SHISA9: variants seen among roughly 807,000 people sequenced by gnomAD.
SHISA9 encodes the protein shisa family member 9.
A neutral mutation model predicts 38.0 loss-of-function variants in SHISA9; 13 were observed. That is an observed-to-expected ratio of 0.34 (90% CI 0.22 to 0.54). The LOEUF (loss-of-function observed/expected upper bound fraction) is 0.54, where lower values mean the gene tolerates loss of function less well. Among genes scored for constraint, SHISA9 ranks in the 20% least tolerant of loss-of-function variants. The pLI is 0.91. For missense variants in SHISA9, 538 were observed against 575.8 expected (o/e 0.93, Z 0.67); for synonymous variants, 275 against 242.0 (o/e 1.14, Z -1.27).
the SHISA9 span, among the ~76,000 whole-genome samples, chr16:13,469,720 T>C: frequency 6.6e-6 from 1 of 152,190 alleles, no homozygotes; most frequent in East Asian, 1.9e-4. Flanking sequence ...CAGGGTAAGA[T>C]TAATTATGCT....
chr16:13,171,523 G>A (rs1259825944), intron 2 of SHISA9, among the ~76,000 whole-genome samples: 2 of 152,086 alleles, frequency 1.3e-5, no homozygotes, highest in East Asian at 1.9e-4. Flanking sequence ...GCCCTTTCTT[G>A]AAGCTGACAT....
chr16:13,129,765 T>C (rs76901011), intron 2 of SHISA9, among the ~76,000 whole-genome samples: 3,356 of 152,258 alleles, frequency 0.022, 124 homozygotes, highest in African/African-American at 0.076. Context: ...AGGGGAAGTC[T>C]GACCTCTAGA....
the SHISA9 span, among the ~76,000 whole-genome samples, chr16:13,473,537 C>T: frequency 6.6e-6 from 1 of 151,746 alleles, no homozygotes; most frequent in Non-Finnish European, 1.5e-5. Flanking sequence ...TTGATTTTTC[C>T]TTTTTCTGAC....
chr16:13,268,237 C>G, the SHISA9 span, among the ~76,000 whole-genome samples: 1 of 152,172 alleles, frequency 6.6e-6, no homozygotes, highest in African/African-American at 2.4e-5. Flanking sequence ...AAAAAATTTT[C>G]TCTAGCTCTT....
At chr16:13,198,526 C>T (rs1350997273) in intron 2 of SHISA9, among the ~76,000 whole-genome samples, 3 of 152,184 alleles carry the variant, frequency 2.0e-5, no homozygotes, top group African/African-American at 7.2e-5. Context: ...TTTTTTCACT[C>T]ACCCTATTGT....
chr16:13,301,469 C>T, the SHISA9 span, among the ~76,000 whole-genome samples: 2 of 152,156 alleles, frequency 1.3e-5, no homozygotes, highest in Non-Finnish European at 2.9e-5. Flanking sequence ...TACTGTCACC[C>T]AAAGTGTAAG....
chr16:13,501,215 G>C, the SHISA9 span, among the ~76,000 whole-genome samples: 10 of 152,184 alleles, frequency 6.6e-5, no homozygotes, highest in Non-Finnish European at 1.2e-4. Flanking sequence ...AGTGCAACTG[G>C]CATCTAGTGG....
At chr16:13,027,056 A>T (rs2141872934) in intron 2 of SHISA9, among the ~76,000 whole-genome samples, 1 of 152,318 alleles carries the variant, frequency 6.6e-6, no homozygotes, top group African/African-American at 2.4e-5. Context: ...CCACTGCTGT[A>T]TCTGGGTCTT....
chr16:13,554,353 T>TG, the SHISA9 span, among the ~76,000 whole-genome samples: 1 of 150,696 alleles, frequency 6.6e-6, no homozygotes, highest in South Asian at 2.1e-4. Flanking sequence ...GGGAAGGGCA[T>TG]GGGGATAAGG....
the SHISA9 span, among the ~76,000 whole-genome samples, chr16:13,506,355 T>G: frequency 3.3e-5 from 5 of 151,788 alleles, no homozygotes; most frequent in African/African-American, 1.2e-4. Flanking sequence ...CCAACAGAGG[T>G]GTGTGGGAGG....
At chr16:12,974,814 G>T (rs2072134864) in intron 2 of SHISA9, among the ~76,000 whole-genome samples, 1 of 152,034 alleles carries the variant, frequency 6.6e-6, no homozygotes, top group African/African-American at 2.4e-5. Context: ...GGGATTCTTA[G>T]GTTGCTTATT....
intron 2 of SHISA9, among the ~76,000 whole-genome samples, chr16:13,178,607 C>T (rs890161158): frequency 1.3e-5 from 2 of 152,116 alleles, no homozygotes; most frequent in Admixed American, 6.5e-5. Context: ...GAGTCCTCCC[C>T]GTCCCCAGCA....
At chr16:13,309,749 A>G in the SHISA9 span, among the ~76,000 whole-genome samples, 2 of 152,062 alleles carry the variant, frequency 1.3e-5, no homozygotes, top group South Asian at 2.1e-4. Context: ...CAGTGCTTAG[A>G]AAGCTAAGAT....
At chr16:13,023,642 T>G (rs1201337828) in intron 2 of SHISA9, among the ~76,000 whole-genome samples, 1 of 152,252 alleles carries the variant, frequency 6.6e-6, no homozygotes, top group Non-Finnish European at 1.5e-5. Context: ...ATCAACAGTG[T>G]AAAAGTATTC....
At chr16:12,917,218 C>T (rs2032298106) in intron 2 of SHISA9, among the ~76,000 whole-genome samples, 1 of 152,166 alleles carries the variant, frequency 6.6e-6, no homozygotes, top group East Asian at 1.9e-4. Context: ...ATACGTCTGC[C>T]TCCTGAGGTA....
chr16:12,928,629 A>T (rs767960895), intron 2 of SHISA9, among the ~76,000 whole-genome samples: 1 of 152,242 alleles, frequency 6.6e-6, no homozygotes, highest in East Asian at 1.9e-4. Context: ...CTCACCTACT[A>T]TCCAAAGGAA....
chr16:13,117,677 C>T (rs2074044071), intron 2 of SHISA9, among the ~76,000 whole-genome samples: 1 of 152,160 alleles, frequency 6.6e-6, no homozygotes, highest in African/African-American at 2.4e-5. Flanking sequence ...GGGTTCTTCC[C>T]TAGAGCCTTG....
chr16:13,287,657 G>A, the SHISA9 span, among the ~76,000 whole-genome samples: 12 of 152,276 alleles, frequency 7.9e-5, no homozygotes, highest in East Asian at 2.3e-3. Flanking sequence ...TCTTTTATTT[G>A]TGCTGGCTTT....
the SHISA9 span, among the ~76,000 whole-genome samples, chr16:13,336,313 G>A: frequency 6.6e-6 from 1 of 152,170 alleles, no homozygotes; most frequent in Non-Finnish European, 1.5e-5. Flanking sequence ...GGATCGTAGA[G>A]GAATCCAAGA....
Sources: gnomAD v4.1 joint callset for allele counts (sites outside exome capture counted in the v4.1 genomes callset) on GRCh38, gnomAD v4.1.1 for gene constraint, MANE v1.5 for transcripts, NCBI Gene and HGNC (gene_info 2026-07-23, HGNC 2026-07-21) for gene names.